LRRC4C: variants seen among roughly 807,000 people sequenced by gnomAD.
LRRC4C encodes the protein leucine rich repeat containing 4C, also known as leucine-rich repeat-containing protein 4C.
In LRRC4C, 5 loss-of-function variants were observed where a neutral mutation model predicts 33.6. The ratio of observed to expected loss-of-function variants is 0.15; its 90% confidence interval spans 0.08 to 0.31. LRRC4C has a LOEUF of 0.31. LRRC4C is among the 10% of genes least tolerant of loss of function. The pLI is 1.00. For synonymous variants in LRRC4C, 329 were observed against 302.0 expected, an observed-to-expected ratio of 1.09 and a Z score of -0.93; for missense variants, 560 against 796.7, an observed-to-expected ratio of 0.70 and a Z score of 3.58.
intron 3 of LRRC4C, among the ~76,000 whole-genome samples, chr11:40,574,609 A>T (rs571709175): frequency 6.6e-6 from 1 of 152,202 alleles, no homozygotes; most frequent in Non-Finnish European, 1.5e-5. Flanking sequence ...ATGTATTCAA[A>T]CCTCCTATCT....
intron 3 of LRRC4C, among the ~76,000 whole-genome samples, chr11:40,549,447 C>T (rs1470056777): frequency 6.6e-6 from 1 of 152,050 alleles, no homozygotes; most frequent in African/African-American, 2.4e-5. Flanking sequence ...AAAGAAAGAG[C>T]GATGCCATTT....
At chr11:41,326,760 C>T (rs562420780) in intron 1 of LRRC4C, among the ~76,000 whole-genome samples, 1 of 152,226 alleles carries the variant, frequency 6.6e-6, no homozygotes, top group South Asian at 2.1e-4. Context: ...CAAAACAGTC[C>T]TAACATGTTG....
At chr11:40,892,935 A>G (rs1592013041) in intron 2 of LRRC4C, among the ~76,000 whole-genome samples, 1 of 152,206 alleles carries the variant, frequency 6.6e-6, no homozygotes, top group East Asian at 1.9e-4. Context: ...AAAATGATAA[A>G]TGTTGTGTAT....
intron 1 of LRRC4C, among the ~76,000 whole-genome samples, chr11:41,096,878 T>C (rs1045676860): frequency 7.2e-5 from 11 of 152,092 alleles, no homozygotes; most frequent in African/African-American, 2.2e-4. Flanking sequence ...CCCACTAGTG[T>C]GAGTAAAGGT....
chr11:40,346,757 C>T (rs1947152369), intron 3 of LRRC4C, among the ~76,000 whole-genome samples: 1 of 152,126 alleles, frequency 6.6e-6, no homozygotes, highest in African/African-American at 2.4e-5. Context: ...TTCATCAGAG[C>T]TCTTGAGTGA....
intron 3 of LRRC4C, among the ~76,000 whole-genome samples, chr11:40,619,927 A>G (rs563937077): frequency 3.6e-5 from 5 of 140,424 alleles, no homozygotes; most frequent in African/African-American, 1.3e-4. Flanking sequence ...GGTGGTTATT[A>G]TTCATTGTAG....
chr11:40,570,847 G>T (rs1957954655), intron 3 of LRRC4C, among the ~76,000 whole-genome samples: 1 of 151,948 alleles, frequency 6.6e-6, no homozygotes, highest in Admixed American at 6.6e-5. Flanking sequence ...AAAAAAGCAT[G>T]TAATCAAATA....
At chr11:40,449,215 T>C (rs1951779784) in intron 3 of LRRC4C, among the ~76,000 whole-genome samples, 2 of 152,154 alleles carry the variant, frequency 1.3e-5, no homozygotes, top group Non-Finnish European at 2.9e-5. Flanking sequence ...TGATAGTTTC[T>C]TTTGCTGTGC....
chr11:41,355,420 A>T (rs1276204575), intron 1 of LRRC4C, among the ~76,000 whole-genome samples: 3 of 152,144 alleles, frequency 2.0e-5, no homozygotes, highest in African/African-American at 7.2e-5. Flanking sequence ...TGCAAAATGC[A>T]AAGGTAGTAG....
At chr11:40,984,149 T>G (rs1346987709) in intron 1 of LRRC4C, among the ~76,000 whole-genome samples, 1 of 112,372 alleles carries the variant, frequency 8.9e-6, no homozygotes, top group African/African-American at 3.4e-5. Flanking sequence ...AAGAAAAAAG[T>G]AAAGAAAGAA....
At chr11:40,288,452 G>A (rs1374094434) in intron 4 of LRRC4C, among the ~76,000 whole-genome samples, 6 of 152,166 alleles carry the variant, frequency 3.9e-5, no homozygotes, top group Admixed American at 3.9e-4. Flanking sequence ...ATCATCCACA[G>A]ATGAGACATT....
intron 3 of LRRC4C, among the ~76,000 whole-genome samples, chr11:40,553,180 G>A (rs1957193810): frequency 6.6e-6 from 1 of 152,086 alleles, no homozygotes; most frequent in Admixed American, 6.6e-5. Context: ...GCTGAGGCAG[G>A]AGAATTGCTT....
intron 1 of LRRC4C, among the ~76,000 whole-genome samples, chr11:41,184,255 G>GTT (rs767718620): frequency 3.8e-4 from 56 of 147,850 alleles, no homozygotes; most frequent in African/African-American, 1.1e-3. Context: ...CAGAAAATGC[G>GTT]TTTTTTTTTT....
At chr11:41,070,478 G>T (rs542646121) in intron 1 of LRRC4C, among the ~76,000 whole-genome samples, 1 of 151,926 alleles carries the variant, frequency 6.6e-6, no homozygotes, top group Admixed American at 6.6e-5. Flanking sequence ...GAATGAAAAG[G>T]CAATCTACAG....
chr11:41,035,012 T>C (rs145389151), intron 1 of LRRC4C, among the ~76,000 whole-genome samples: 107 of 150,970 alleles, frequency 7.1e-4, no homozygotes, highest in Middle Eastern at 3.4e-3. Context: ...AATTTTAATT[T>C]ATTTTTAAGT....
chr11:40,131,374 A>C lies in LRRC4C; in HGVS notation c.-43+9427T>G, dbSNP rs570403168. ...GATTGTGAAGAAGTAAATTACCAAA[A>C]ATCAGCATGTAAATAGGGGATTGAA... On this transcript the variant is annotated intron_variant, in intron 6 of 6. Transcript: ENST00000528697. 3.0e-3 allele frequency among the ~76,000 whole-genome samples: 461 copies of C among 152,312 alleles called. 4 individuals are homozygous for C. The highest frequency in any genetic ancestry group is 0.011 in the African/African-American group (444 of 41,572).
chr11:41,027,998 G>A (rs1331238883), intron 1 of LRRC4C, among the ~76,000 whole-genome samples: 1 of 150,784 alleles, frequency 6.6e-6, no homozygotes, highest in Non-Finnish European at 1.5e-5. Context: ...TATAAGGAAG[G>A]TAGGCTGCAT....
intron 6 of LRRC4C, among the ~76,000 whole-genome samples, chr11:40,118,532 C>T (rs572256884): frequency 2.0e-5 from 3 of 152,152 alleles, no homozygotes; most frequent in South Asian, 2.1e-4. Flanking sequence ...TAATCTATGC[C>T]GGAAAACCAA....
intron 3 of LRRC4C, among the ~76,000 whole-genome samples, chr11:40,483,291 A>G (rs1029849074): frequency 7.9e-5 from 12 of 152,182 alleles, no homozygotes; most frequent in Admixed American, 6.6e-5. Flanking sequence ...AAAGTCACGG[A>G]GGAAATGAAG....
Sources: gnomAD v4.1 joint callset for allele counts (sites outside exome capture counted in the v4.1 genomes callset) on GRCh38, gnomAD v4.1.1 for gene constraint, MANE v1.5 for transcripts, NCBI Gene and HGNC (gene_info 2026-07-23, HGNC 2026-07-21) for gene names.